TOX: variants seen among roughly 807,000 people sequenced by gnomAD.
The protein encoded by TOX is thymocyte selection-associated high mobility group box protein TOX.
TOX carries 11 observed loss-of-function variants against 53.7 expected under a neutral mutation model. The ratio of observed to expected loss-of-function variants is 0.20; its 90% CI spans 0.13 to 0.34. TOX has a LOEUF of 0.34. Among genes scored for constraint, TOX ranks in the 10% least tolerant of loss-of-function variants. The probability of loss-of-function intolerance (pLI) is 1.00; values close to 1 mark genes in which losing one functional copy is unlikely to be tolerated. For missense variants in TOX, 570 were observed against 664.6 expected, an observed-to-expected ratio of 0.86 and a Z score of 1.56; for synonymous variants, 225 against 245.3, an observed-to-expected ratio of 0.92 and a Z score of 0.77.
At chr8:59,034,811 G>A (rs1345088054) in intron 1 of TOX, among the ~76,000 whole-genome samples, 1 of 152,220 alleles carries the variant, frequency 6.6e-6, no homozygotes. Context: ...TATGTGCCAG[G>A]TGCCATTCAA....
At chr8:59,073,285 T>TA (rs1309780541) in intron 1 of TOX, among the ~76,000 whole-genome samples, 12 of 152,204 alleles carry the variant, frequency 7.9e-5, no homozygotes, top group African/African-American at 2.9e-4. Context: ...GGACCAGGAT[T>TA]AATGAAATTT....
At chr8:58,834,732 C>G (rs1810519593) in intron 5 of TOX, among the ~76,000 whole-genome samples, 1 of 152,188 alleles carries the variant, frequency 6.6e-6, no homozygotes, top group African/African-American at 2.4e-5. Context: ...AATGTGCTCC[C>G]TTTTGTAAGC....
At chr8:59,082,839 T>C (rs375913593) in intron 1 of TOX, among the ~76,000 whole-genome samples, 1 of 152,238 alleles carries the variant, frequency 6.6e-6, no homozygotes, top group East Asian at 1.9e-4. Context: ...GATTTCTGTA[T>C]AAATCACACA....
chr8:58,998,618 A>ATGTAATAAATTTATGTAATAAATTTATG (rs1447240655), intron 1 of TOX, among the ~76,000 whole-genome samples: 11 of 121,416 alleles, frequency 9.1e-5, no homozygotes, highest in African/African-American at 2.4e-4. Context: ...ATAAATTTAT[A>ATGTAATAAATTTATGTAATAAATTTATG]TAATAATATA....
intron 1 of TOX, among the ~76,000 whole-genome samples, chr8:58,983,149 G>A (rs913810220): frequency 6.6e-6 from 1 of 152,196 alleles, no homozygotes; most frequent in Non-Finnish European, 1.5e-5. Context: ...GCACATGTAT[G>A]TACTTTAGCT....
chr8:58,996,250 C>T (rs995218522), intron 1 of TOX, among the ~76,000 whole-genome samples: 10 of 152,212 alleles, frequency 6.6e-5, no homozygotes, highest in African/African-American at 2.4e-4. Flanking sequence ...GTTTTCCCCA[C>T]ACTAGGAAGC....
intron 1 of TOX, among the ~76,000 whole-genome samples, chr8:58,977,252 T>C (rs1813118515): frequency 6.6e-6 from 1 of 152,246 alleles, no homozygotes; most frequent in Non-Finnish European, 1.5e-5. Flanking sequence ...AAAATAACTA[T>C]GTTTTTCTTT....
intron 1 of TOX, among the ~76,000 whole-genome samples, chr8:59,028,773 T>G (rs531616228): frequency 5.9e-5 from 9 of 152,280 alleles, no homozygotes; most frequent in African/African-American, 1.9e-4. Flanking sequence ...AGTTTTAATA[T>G]GAACAAAGTC....
intron 1 of TOX, among the ~76,000 whole-genome samples, chr8:58,961,877 C>A (rs542765118): frequency 1.3e-5 from 2 of 152,192 alleles, no homozygotes; most frequent in Non-Finnish European, 2.9e-5. Flanking sequence ...CCTAACAACT[C>A]AAGACCTAAC....
chr8:59,043,493 A>G (rs780273223), intron 1 of TOX, among the ~76,000 whole-genome samples: 6 of 152,100 alleles, frequency 3.9e-5, no homozygotes, highest in Non-Finnish European at 8.8e-5. Flanking sequence ...TAACAGACTG[A>G]CTCTATATAA....
intron 3 of TOX, among the ~76,000 whole-genome samples, chr8:58,883,822 G>A (rs1202445322): frequency 6.6e-6 from 1 of 151,950 alleles, no homozygotes; most frequent in Non-Finnish European, 1.5e-5. Context: ...TGATTGACTT[G>A]AAAAATAATT....
chr8:58,955,661 G>T (rs574293980), intron 2 of TOX, among the ~76,000 whole-genome samples: 4 of 151,948 alleles, frequency 2.6e-5, no homozygotes, highest in Admixed American at 1.3e-4. Context: ...CATGTGAAGA[G>T]CTGAGTCCCT....
chr8:59,097,087 C>T (rs1804724379), intron 1 of TOX, among the ~76,000 whole-genome samples: 2 of 152,092 alleles, frequency 1.3e-5, no homozygotes, highest in Non-Finnish European at 2.9e-5. Context: ...ACTCACAGCC[C>T]GATGTGGGGG....
At position 59,080,183 on chromosome 8, in the gene TOX, A is replaced by C. The variant is rs947392722; in HGVS notation, c.102+38703T>G. On this transcript the variant is annotated intron_variant, in intron 1 of 8. Coordinates refer to ENST00000361421, the MANE Select transcript of TOX (RefSeq NM_014729.3). ...TTTTTAGTAGACACAGGGTTTCACC[A>C]TGTTGGTCAGGCTGGTCTCAAACTC... 2.6e-5 allele frequency among the ~76,000 whole-genome samples: 4 copies of C among 151,960 alleles called. No individual in the cohort carries two copies. In the East Asian group the frequency reaches 7.7e-4, roughly 29 times the overall value.
intron 1 of TOX, among the ~76,000 whole-genome samples, chr8:59,031,395 A>G (rs1177336368): frequency 6.6e-6 from 1 of 152,222 alleles, no homozygotes; most frequent in Non-Finnish European, 1.5e-5. Context: ...TATTGATTTT[A>G]TATAAGATTC....
intron 8 of TOX, 106 bp downstream of exon 8, chr8:58,808,011 GA>G (rs1361690065): frequency 3.8e-5 from 55 of 1,465,052 alleles, no homozygotes; most frequent in Non-Finnish European, 5.0e-5. Flanking sequence ...TCATGAACGT[GA>G]AACTATCCCG....
chr8:58,954,873 T>C (rs544143246), intron 2 of TOX, among the ~76,000 whole-genome samples: 9 of 152,306 alleles, frequency 5.9e-5, no homozygotes, highest in Non-Finnish European at 7.4e-5. Flanking sequence ...TTAACACTTC[T>C]GATTATAAGC....
At chr8:59,074,800 G>A (rs1804263668) in intron 1 of TOX, among the ~76,000 whole-genome samples, 1 of 152,188 alleles carries the variant, frequency 6.6e-6, no homozygotes, top group Admixed American at 6.5e-5. Context: ...ACAAAGACAA[G>A]AGAATGTCCA....
chr8:58,999,286 C>T lies in TOX; in HGVS notation c.103-39278G>A, dbSNP rs78991209. ...AAAGAAATACAAAAACAAATGAAAG[C>T]TGAAATCTGTGATCTTTAGAATTTC... On this transcript the variant is annotated intron_variant, in intron 1 of 8. Coordinates refer to ENST00000361421, the MANE Select transcript of TOX (RefSeq NM_014729.3). 4.9e-3 allele frequency among the ~76,000 whole-genome samples: 739 copies of T among 151,632 alleles called. 6 individuals are homozygous for T. The highest frequency in any genetic ancestry group is 0.017 in the African/African-American group (708 of 41,280).
Sources: allele counts gnomAD v4.1 joint callset (sites outside exome capture counted in the v4.1 genomes callset), GRCh38; gene constraint gnomAD v4.1.1; transcripts MANE v1.5; gene names NCBI Gene and HGNC (gene_info 2026-07-23, HGNC 2026-07-21).